Variants in LOXHD1 observed in about 807,000 individuals in gnomAD.
LOXHD1 encodes the protein lipoxygenase homology PLAT domains 1.
A neutral mutation model predicts 248.2 loss-of-function variants in LOXHD1; 205 were observed. The observed-to-expected ratio is 0.83, with a 90% CI of 0.74 to 0.93. The LOEUF (loss-of-function observed/expected upper bound fraction) is 0.93, where lower values mean the gene tolerates loss of function less well. Among genes scored for constraint, LOXHD1 ranks in the 40% least tolerant of loss-of-function variants. The probability of loss-of-function intolerance (pLI) is 0.00; values close to 1 mark genes in which losing one functional copy is unlikely to be tolerated. For synonymous variants in LOXHD1, 1,113 were observed against 1,162.8 expected, an observed-to-expected ratio of 0.96 and a Z score of 0.87; for missense variants, 2,930 against 2,971.6, an observed-to-expected ratio of 0.99 and a Z score of 0.33.
At chr18:46,543,560 C>T (rs899746264) in intron 23 of LOXHD1, among the ~76,000 whole-genome samples, 2 of 152,114 alleles carry the variant, frequency 1.3e-5, no homozygotes, top group African/African-American at 4.8e-5. Context: ...AAGGCTATCC[C>T]TACCCTAACC....
At chr18:46,653,910 G>C (rs1267203432) in intron 1 of LOXHD1, among the ~76,000 whole-genome samples, 1 of 152,164 alleles carries the variant, frequency 6.6e-6, no homozygotes, top group African/African-American at 2.4e-5. Flanking sequence ...TACCTTATAG[G>C]CATTCTTCCA....
chr18:46,518,226 C>A lies in LOXHD1; in HGVS notation c.5302G>T (p.Asp1768Tyr), dbSNP rs1452586898. The change falls in exon 34 of 41, where the codon GAT (aspartate) becomes TAT (tyrosine). Residue 1768 changes from aspartate (D) to tyrosine (Y), a missense_variant. Asp to Tyr is a radical substitution (Grantham distance 160, BLOSUM62 -3). Transcript: ENST00000642948. ...GAGTCAGTGCCCCCGCCAACCACAT[C>A]CCCTGTCCACACCGTCATTTCATAG... Reference protein sequence around the residue: ...VLYEMTVWTGDVVGGGTDSNI... With the variant: ...VLYEMTVWTGYVVGGGTDSNI... 1 of 1,551,690 alleles carries A rather than the reference C, an allele frequency of 6.4e-7. No individual in the cohort carries two copies.
At chr18:46,581,564 C>T (rs192608933) in intron 12 of LOXHD1, among the ~76,000 whole-genome samples, 3 of 152,158 alleles carry the variant, frequency 2.0e-5, no homozygotes, top group Admixed American at 1.3e-4. Flanking sequence ...ATATGGAGTC[C>T]ATTTAAAGCC....
intron 39 of LOXHD1, among the ~76,000 whole-genome samples, chr18:46,484,583 C>T (rs150136730): frequency 1.3e-3 from 198 of 152,278 alleles, no homozygotes; most frequent in African/African-American, 4.3e-3. Context: ...TCTAAGCTAC[C>T]AGTCTGAGGT....
In LOXHD1 at chr18:46,483,438, C is replaced by T. The variant is rs1025163889; in HGVS notation, c.6341+149G>A. 150 of 927,982 alleles carry T rather than the reference C, an allele frequency of 1.6e-4. 2 individuals carry two copies. The Admixed American group carries it at 3.3e-3, about 20-fold the overall frequency. 57.5% of individuals were successfully genotyped at this position (927,982 alleles called of 1,614,324 possible). A position where few individuals can be genotyped will look rare whatever the true frequency, so the allele number is the denominator to read the frequency against. On this transcript the variant is annotated intron_variant, in intron 40 of 40. Coordinates refer to ENST00000642948, the MANE Select transcript of LOXHD1 (RefSeq NM_001384474.1). ...TTCAGAAGCATACAGCTGTCTCTTC[C>T]CTTCCTGCCTTCTAGGCCTCCTGAA...
chr18:46,520,631 C>T (rs1234967467), intron 33 of LOXHD1: 3 of 256,750 alleles, frequency 1.2e-5, no homozygotes, highest in Non-Finnish European at 2.3e-5. Flanking sequence ...ACACCATTGG[C>T]TGCACCGTGA....
At chr18:46,615,756 G>A (rs772487846) in intron 5 of LOXHD1, among the ~76,000 whole-genome samples, 4 of 152,042 alleles carry the variant, frequency 2.6e-5, no homozygotes, top group Non-Finnish European at 5.9e-5. Flanking sequence ...AAATTTGTAT[G>A]CATTTGGCCT....
chr18:46,582,223 T>C (rs2037977647), intron 12 of LOXHD1, among the ~76,000 whole-genome samples: 1 of 152,128 alleles, frequency 6.6e-6, no homozygotes, highest in Non-Finnish European at 1.5e-5. Flanking sequence ...GCTGCACCAC[T>C]AGTGAGTTTA....
chr18:46,656,769 G>A (rs2039187611), intron 1 of LOXHD1, 135 bp downstream of exon 1: 2 of 1,052,672 alleles, frequency 1.9e-6, no homozygotes, highest in East Asian at 2.6e-5. Flanking sequence ...GAGGGGATAT[G>A]GAACAGACAC....
chr18:46,584,587 G>C (rs2038024317), intron 12 of LOXHD1, among the ~76,000 whole-genome samples: 1 of 151,796 alleles, frequency 6.6e-6, no homozygotes, highest in Admixed American at 6.6e-5. Context: ...AAAAAACCTA[G>C]CCAGAAAGAA....
rs551949683 is a variant in LOXHD1 at position 46,546,956 on chromosome 18, G to C, written c.3453C>G (p.Ser1151Arg). 1 of 1,551,564 alleles carries C rather than the reference G, an allele frequency of 6.4e-7. No individual in the cohort carries two copies. Among genetic ancestry groups the C allele is most frequent in the African/African-American group, 1.4e-5 (1 of 73,042 alleles). The change falls in exon 22 of 41, where the codon AGC becomes AGG. Residue 1151 changes from serine to arginine, a missense_variant. Physicochemically the swap from Ser to Arg is moderately radical, Grantham distance 110 (BLOSUM62 -1). Coordinates refer to ENST00000642948, the MANE Select transcript of LOXHD1 (RefSeq NM_001384474.1). The stretch of plus-strand genomic sequence containing the variant: ...TGTCACCGCCTCCCCTACCCTCCTC[G>C]CTCTGTGGCAGCACATAGGACTCAT... ...PVDESYVLPQ[S>R]EEGRGGGDNN...
chr18:46,516,467 A>T (rs1269909267), intron 34 of LOXHD1, among the ~76,000 whole-genome samples: 1 of 152,220 alleles, frequency 6.6e-6, no homozygotes, highest in Non-Finnish European at 1.5e-5. Context: ...GATGAGCTGC[A>T]TAGGGCCCAT....
At chr18:46,603,626 G>T (rs2038371392) in intron 7 of LOXHD1, among the ~76,000 whole-genome samples, 1 of 152,162 alleles carries the variant, frequency 6.6e-6, no homozygotes, top group African/African-American at 2.4e-5. Flanking sequence ...TCACTTGCCA[G>T]CTGTGTGCCC....
chr18:46,552,938 C>A (rs1293849900), intron 21 of LOXHD1, among the ~76,000 whole-genome samples: 1 of 152,162 alleles, frequency 6.6e-6, no homozygotes, highest in African/African-American at 2.4e-5. Context: ...TTTTTTCAAC[C>A]ATTTCTAATG....
At chr18:46,504,431 T>G (rs1289161007) in intron 37 of LOXHD1, among the ~76,000 whole-genome samples, 3 of 152,218 alleles carry the variant, frequency 2.0e-5, no homozygotes, top group African/African-American at 7.2e-5. Context: ...GAGAATCAAA[T>G]GTTTGTATCT....
intron 1 of LOXHD1, among the ~76,000 whole-genome samples, chr18:46,655,051 T>C (rs328183): frequency 0.8 from 121,218 of 152,180 alleles, 48,296 homozygotes; most frequent in East Asian, 0.9. Context: ...ACACATCTGC[T>C]GCAATGTGTC....
chr18:46,512,768 G>A (rs1031466579), intron 34 of LOXHD1, among the ~76,000 whole-genome samples: 1 of 152,166 alleles, frequency 6.6e-6, no homozygotes, highest in Non-Finnish European at 1.5e-5. Flanking sequence ...CAATCTCAGT[G>A]CCTCTACTCT....
chr18:46,541,307 C>G (rs2036549148), intron 25 of LOXHD1, among the ~76,000 whole-genome samples: 1 of 152,100 alleles, frequency 6.6e-6, no homozygotes, highest in Non-Finnish European at 1.5e-5. Context: ...AAGTGAGGGC[C>G]CTTTCAAGCC....
intron 4 of LOXHD1, among the ~76,000 whole-genome samples, chr18:46,624,208 C>T (rs1190924670): frequency 6.6e-6 from 1 of 152,230 alleles, no homozygotes; most frequent in Non-Finnish European, 1.5e-5. Context: ...TCTGCAATGG[C>T]TCACACCCTG....
Sources: allele counts gnomAD v4.1 joint callset (sites outside exome capture counted in the v4.1 genomes callset), GRCh38; gene constraint gnomAD v4.1.1; transcripts MANE v1.5; gene names NCBI Gene and HGNC (gene_info 2026-07-23, HGNC 2026-07-21).